MSRA: variants seen among roughly 807,000 people sequenced by gnomAD.
MSRA encodes the protein methionine sulfoxide reductase A.
MSRA carries 54 observed loss-of-function variants against 31.3 expected under a neutral mutation model. The ratio of observed to expected loss-of-function variants is 1.73; its 90% CI spans 1.39 to 2.17. The LOEUF is 2.17. MSRA is among the 30% of genes most tolerant of loss of function. MSRA has a pLI of 0.00. For synonymous variants in MSRA, 169 were observed against 116.5 expected (o/e 1.45, Z -2.90); for missense variants, 507 against 300.9 (o/e 1.69, Z -5.07).
At chr8:10,072,305 A>AT (rs34457495) in intron 1 of MSRA, among the ~76,000 whole-genome samples, 111 of 145,242 alleles carry the variant, frequency 7.6e-4, no homozygotes, top group Non-Finnish European at 1.2e-3. Context: ...CTTTCGCAAC[A>AT]TTTTTTTTTT....
chr8:10,254,090 G>A (rs1798054817), intron 3 of MSRA, among the ~76,000 whole-genome samples: 1 of 152,032 alleles, frequency 6.6e-6, no homozygotes, highest in South Asian at 2.1e-4. Context: ...CCCCTCAGCT[G>A]CGGGAGAAGC....
intron 5 of MSRA, among the ~76,000 whole-genome samples, chr8:10,328,027 ATT>A (rs35940076): frequency 4.6e-5 from 3 of 65,332 alleles, no homozygotes; most frequent in African/African-American, 7.1e-5. Context: ...CTCTATGGTA[ATT>A]TTTTTTTTTT....
intron 5 of MSRA, among the ~76,000 whole-genome samples, chr8:10,420,485 C>T (rs925126205): frequency 6.6e-6 from 1 of 152,254 alleles, no homozygotes; most frequent in African/African-American, 2.4e-5. Flanking sequence ...TTATTTCTTA[C>T]AGTTCTTGTG....
At chr8:10,169,275 C>A (rs530566682) in intron 1 of MSRA, among the ~76,000 whole-genome samples, 2 of 152,308 alleles carry the variant, frequency 1.3e-5, no homozygotes, top group African/African-American at 4.8e-5. Context: ...TTGTTACCAA[C>A]CTGCATTTCT....
In MSRA at chr8:10,331,667, T is replaced by C. The variant is rs1353651432; in HGVS notation, c.543+11678T>C. 2.0e-5 allele frequency among the ~76,000 whole-genome samples: 3 copies of C among 152,200 alleles called. No homozygotes were observed. In the East Asian group the frequency reaches 5.8e-4, roughly 29 times the overall value. On this transcript the variant is annotated intron_variant, in intron 5 of 5. Transcript: ENST00000317173. Reference sequence around the variant, plus strand: ...TTTTACGAATACAGTCATCCTTCGGTATCCAATGGGGATTGCTTCCAGGAC... The same window carrying C: ...TTTTACGAATACAGTCATCCTTCGGCATCCAATGGGGATTGCTTCCAGGAC...
chr8:10,218,123 T>TATTG (rs1457973803), intron 2 of MSRA, among the ~76,000 whole-genome samples: 5 of 82,866 alleles, frequency 6.0e-5, no homozygotes, highest in Admixed American at 4.1e-4. Flanking sequence ...TCTATTTATT[T>TATTG]ATTTATTTAT....
chr8:10,336,222 C>T (rs898715083), intron 5 of MSRA, among the ~76,000 whole-genome samples: 2 of 152,180 alleles, frequency 1.3e-5, no homozygotes, highest in South Asian at 4.2e-4. Flanking sequence ...AACACAAAAT[C>T]TTTTAATAAA....
At chr8:10,423,294 G>C (rs1295622995) in intron 5 of MSRA, among the ~76,000 whole-genome samples, 3 of 152,182 alleles carry the variant, frequency 2.0e-5, no homozygotes, top group African/African-American at 7.2e-5. Context: ...CGTTCCATCT[G>C]CTCCAATTCG....
chr8:10,155,886 C>A (rs1439000767), intron 1 of MSRA, among the ~76,000 whole-genome samples: 3 of 152,054 alleles, frequency 2.0e-5, no homozygotes, highest in African/African-American at 7.2e-5. Context: ...CATGTTATAA[C>A]CTTAATGTAA....
At chr8:10,303,574 C>T (rs1800963780) in intron 4 of MSRA, among the ~76,000 whole-genome samples, 1 of 152,184 alleles carries the variant, frequency 6.6e-6, no homozygotes, top group Non-Finnish European at 1.5e-5. Context: ...TCCAGTCTCC[C>T]CAGCTGAATT....
At chr8:10,085,856 C>G (rs1798533986) in intron 1 of MSRA, among the ~76,000 whole-genome samples, 1 of 152,234 alleles carries the variant, frequency 6.6e-6, no homozygotes, top group South Asian at 2.1e-4. Context: ...GTAGTCTTCT[C>G]TGTATGGGCT....
chr8:10,316,234 T>G (rs1801703786), intron 4 of MSRA, among the ~76,000 whole-genome samples: 1 of 152,014 alleles, frequency 6.6e-6, no homozygotes. Flanking sequence ...CCACCTTTTT[T>G]TTTTTTACTT....
At chr8:10,409,180 C>T (rs1452642058) in intron 5 of MSRA, among the ~76,000 whole-genome samples, 1 of 152,236 alleles carries the variant, frequency 6.6e-6, no homozygotes, top group Non-Finnish European at 1.5e-5. Flanking sequence ...TTTACATTCT[C>T]ACCAACAGTG....
intron 5 of MSRA, among the ~76,000 whole-genome samples, chr8:10,387,514 AG>A (rs1226228672): frequency 6.6e-6 from 1 of 152,120 alleles, no homozygotes; most frequent in African/African-American, 2.4e-5. Flanking sequence ...GGCAGTTTTG[AG>A]GGGGTGGTAA....
chr8:10,317,853 G>T (rs914788150), intron 4 of MSRA, among the ~76,000 whole-genome samples: 2 of 152,056 alleles, frequency 1.3e-5, no homozygotes, highest in African/African-American at 2.4e-5. Flanking sequence ...GCTCACTCAG[G>T]GTTCCAGAAA....
chr8:10,258,839 G>A (rs572710463), intron 3 of MSRA, among the ~76,000 whole-genome samples: 1 of 152,312 alleles, frequency 6.6e-6, no homozygotes, highest in Admixed American at 6.5e-5. Context: ...AGGTGCGGAG[G>A]CTCATGCCTG....
intron 1 of MSRA, among the ~76,000 whole-genome samples, chr8:10,130,193 G>A (rs998360726): frequency 1.3e-5 from 2 of 152,210 alleles, no homozygotes; most frequent in African/African-American, 4.8e-5. Context: ...TGCCCCAAAT[G>A]CCAGTAGTAC....
chr8:10,124,316 T>C (rs1801339444), intron 1 of MSRA, among the ~76,000 whole-genome samples: 1 of 152,136 alleles, frequency 6.6e-6, no homozygotes, highest in Admixed American at 6.5e-5. Flanking sequence ...GAGTGTGGTA[T>C]AATGGCATGG....
intron 1 of MSRA, among the ~76,000 whole-genome samples, chr8:10,205,688 A>T (rs1808900378): frequency 6.6e-6 from 1 of 152,234 alleles, no homozygotes; most frequent in African/African-American, 2.4e-5. Context: ...GAATCTAACA[A>T]TGAGAAAGGA....
Sources: allele counts gnomAD v4.1 joint callset (sites outside exome capture counted in the v4.1 genomes callset), GRCh38; gene constraint gnomAD v4.1.1; transcripts MANE v1.5; gene names NCBI Gene and HGNC (gene_info 2026-07-23, HGNC 2026-07-21).